Variants in CMSS1 observed in about 807,000 individuals in gnomAD.
The protein encoded by CMSS1 is cms1 ribosomal small subunit homolog, also known as protein CMSS1.
In CMSS1, 33 loss-of-function variants were observed where a neutral mutation model predicts 43.5. The ratio of observed to expected loss-of-function variants is 0.76; its 90% CI spans 0.57 to 1.01. The LOEUF is 1.01. Ranked by LOEUF, CMSS1 falls within the 50% of genes least tolerant of loss-of-function variation. The pLI is 0.00. For synonymous variants in CMSS1, 115 were observed against 117.2 expected (o/e 0.98, Z 0.12); for missense variants, 313 against 326.4 (o/e 0.96, Z 0.32).
Position 100,122,528 on chromosome 3 carries a change from A to T in CMSS1, c.65-24445A>T, listed in dbSNP as rs938424158. On this transcript the variant is annotated intron_variant, in intron 1 of 9. Transcript: ENST00000421999. ...AGCTTCACAATAGCTCCCCAGGAAT[A>T]CATTGTGCTATTCATTCTTAGTGTT... is the stretch of plus-strand genomic sequence containing the variant. Among the ~76,000 whole-genome samples the T allele has an allele frequency of 5.9e-5, 9 of 152,362 alleles. No individual in the cohort carries two copies. The South Asian group carries it at 1.9e-3, about 32-fold the overall frequency.
intron 1 of CMSS1, among the ~76,000 whole-genome samples, chr3:99,895,478 T>G (rs1706221842): frequency 6.6e-6 from 1 of 152,054 alleles, no homozygotes; most frequent in Admixed American, 6.6e-5. Flanking sequence ...GGGCAAGAGC[T>G]TATTTTTTGG....
intron 1 of CMSS1, among the ~76,000 whole-genome samples, chr3:99,883,134 C>T (rs1705783655): frequency 6.6e-6 from 1 of 152,170 alleles, no homozygotes; most frequent in South Asian, 2.1e-4. Flanking sequence ...TGAATTATCT[C>T]TCAAAACTTC....
chr3:99,995,025 C>T (rs974085882), intron 1 of CMSS1, among the ~76,000 whole-genome samples: 1 of 152,148 alleles, frequency 6.6e-6, no homozygotes, highest in Non-Finnish European at 1.5e-5. Context: ...CATTTCAAAA[C>T]CAATCATGCC....
At chr3:99,942,218 G>C (rs1707872484) in intron 1 of CMSS1, among the ~76,000 whole-genome samples, 2 of 151,630 alleles carry the variant, frequency 1.3e-5, no homozygotes, top group South Asian at 4.1e-4. Flanking sequence ...AAAAAAAGAA[G>C]TTACTGTTAA....
intron 1 of CMSS1, among the ~76,000 whole-genome samples, chr3:99,827,482 G>A (rs1171215793): frequency 1.3e-5 from 2 of 152,072 alleles, no homozygotes; most frequent in East Asian, 1.9e-4. Context: ...GTGAGTCACC[G>A]CACCCGGCAA....
intron 1 of CMSS1, chr3:99,848,716 G>C (rs763504293): frequency 3.7e-6 from 6 of 1,614,202 alleles, no homozygotes; most frequent in Non-Finnish European, 4.2e-6. Context: ...ACAAGACTCT[G>C]GGGTCTGTGC....
At chr3:100,013,167 A>ACACTCGGCTGGCCAG in intron 1 of CMSS1, among the ~76,000 whole-genome samples, 1 of 151,958 alleles carries the variant, frequency 6.6e-6, no homozygotes, top group East Asian at 1.9e-4. Flanking sequence ...ATGAGCTACC[A>ACACTCGGCTGGCCAG]TGCCCAACTG....
chr3:99,957,456 A>G (rs781188119), intron 1 of CMSS1, among the ~76,000 whole-genome samples: 4 of 152,158 alleles, frequency 2.6e-5, no homozygotes, highest in Non-Finnish European at 5.9e-5. Context: ...ATGTGTGTAT[A>G]TATATATAGA....
Position 100,016,225 on chromosome 3 carries a change from T to C in CMSS1, c.65-130748T>C, listed in dbSNP as rs566473456. On this transcript the variant is annotated intron_variant, in intron 1 of 9. Coordinates refer to ENST00000421999, the MANE Select transcript of CMSS1 (RefSeq NM_032359.4). ...GTTTGTTTTTGAGACGCAGTTTCAC[T>C]CTTGTTGCCCAGGCTGGAGTGCAAT... Among the ~76,000 whole-genome samples the C allele has an allele frequency of 5.3e-5, 8 of 152,292 alleles. No individual in the cohort carries two copies. The South Asian group carries it at 1.5e-3, about 28-fold the overall frequency.
chr3:100,000,865 A>G (rs1709821428), intron 1 of CMSS1, among the ~76,000 whole-genome samples: 1 of 152,236 alleles, frequency 6.6e-6, no homozygotes, highest in African/African-American at 2.4e-5. Context: ...CAAATATATT[A>G]CTCAGTAACT....
At chr3:100,016,713 T>C (rs1313511908) in intron 1 of CMSS1, among the ~76,000 whole-genome samples, 1 of 152,266 alleles carries the variant, frequency 6.6e-6, no homozygotes, top group African/African-American at 2.4e-5. Context: ...TTGAATCCTT[T>C]TTATCCTTTC....
intron 1 of CMSS1, among the ~76,000 whole-genome samples, chr3:100,033,600 C>G (rs2065057038): frequency 6.6e-6 from 1 of 152,296 alleles, no homozygotes; most frequent in East Asian, 1.9e-4. Flanking sequence ...AATTCTTACC[C>G]TGGAAAGTAG....
intron 1 of CMSS1, among the ~76,000 whole-genome samples, chr3:100,053,704 T>TA: frequency 6.6e-6 from 1 of 152,294 alleles, no homozygotes; most frequent in South Asian, 2.1e-4. Flanking sequence ...TCTGAGCATT[T>TA]AGGGGTCTAC....
At chr3:100,167,637 T>C in intron 5 of CMSS1, 101 bp from the exon 6 acceptor site, 1 of 624,590 alleles carries the variant, frequency 1.6e-6, no homozygotes, top group Non-Finnish European at 2.8e-6. Context: ...CTTACTATAT[T>C]TTGTTTTGTT....
At chr3:99,922,810 CT>C (rs1559689204) in intron 1 of CMSS1, among the ~76,000 whole-genome samples, 1 of 152,156 alleles carries the variant, frequency 6.6e-6, no homozygotes, top group Non-Finnish European at 1.5e-5. Flanking sequence ...CCAAACTCTC[CT>C]TTTTTGCAGC....
At chr3:100,070,701 G>C (rs1468437528) in intron 1 of CMSS1, among the ~76,000 whole-genome samples, 1 of 151,980 alleles carries the variant, frequency 6.6e-6, no homozygotes, top group East Asian at 1.9e-4. Flanking sequence ...GCGCAATCTC[G>C]GCTCACTGCA....
chr3:99,871,945 T>TAA (rs1944808351), intron 1 of CMSS1, among the ~76,000 whole-genome samples: 1 of 152,220 alleles, frequency 6.6e-6, no homozygotes, highest in Non-Finnish European at 1.5e-5. Context: ...CCTTATCCTT[T>TAA]GCTTTTTTAT....
At chr3:100,121,255 C>T (rs771371618) in intron 1 of CMSS1, among the ~76,000 whole-genome samples, 2 of 150,212 alleles carry the variant, frequency 1.3e-5, no homozygotes, top group South Asian at 2.2e-4. Flanking sequence ...CCCCCACCCC[C>T]CTACAGGCCC....
At chr3:99,996,015 A>G (rs1053786862) in intron 1 of CMSS1, among the ~76,000 whole-genome samples, 3 of 152,152 alleles carry the variant, frequency 2.0e-5, no homozygotes. Flanking sequence ...TACTTATGTA[A>G]ATTTCTGCAG....
Sources: allele counts gnomAD v4.1 joint callset (sites outside exome capture counted in the v4.1 genomes callset), GRCh38; gene constraint gnomAD v4.1.1; transcripts MANE v1.5; gene names NCBI Gene and HGNC (gene_info 2026-07-23, HGNC 2026-07-21).